Variants in USP34 observed in about 807,000 individuals in gnomAD.
The protein encoded by USP34 is ubiquitin carboxyl-terminal hydrolase 34.
USP34 carries 70 observed loss-of-function variants against 460.3 expected under a neutral mutation model. The ratio of observed to expected loss-of-function variants is 0.15; its 90% CI spans 0.13 to 0.19. The LOEUF (loss-of-function observed/expected upper bound fraction) is 0.19. Among genes scored for constraint, USP34 ranks in the 10% least tolerant of loss-of-function variants. The probability of loss-of-function intolerance (pLI) is 1.00; values close to 1 mark genes in which losing one functional copy is unlikely to be tolerated. For synonymous variants in USP34, 1,647 were observed against 1,405.3 expected (o/e 1.17, Z -3.85); for missense variants, 3,985 against 4,236.2 (o/e 0.94, Z 1.65).
intron 15 of USP34, among the ~76,000 whole-genome samples, chr2:61,346,895 T>C (rs529206230): frequency 3.4e-4 from 51 of 149,626 alleles, no homozygotes; most frequent in Non-Finnish European, 4.1e-4. Flanking sequence ...CCCAGCACTT[T>C]GGGAGGCCGA....
chr2:61,449,711 A>G (rs1695214999), intron 1 of USP34, among the ~76,000 whole-genome samples: 1 of 152,200 alleles, frequency 6.6e-6, no homozygotes, highest in South Asian at 2.1e-4. Context: ...AAGACCATGC[A>G]ACAGAAAGAA....
At chr2:61,325,295 C>T in intron 21 of USP34, 80 bp downstream of exon 21, 1 of 851,396 alleles carries the variant, frequency 1.2e-6, no homozygotes, top group South Asian at 2.2e-5. Flanking sequence ...AAAAAAACTG[C>T]AGAAATCAGA....
In USP34 at chr2:61,428,218, T is replaced by C. The variant is rs1694567200; in HGVS notation, c.44-7385A>G. Among the ~76,000 whole-genome samples the C allele has an allele frequency of 1.3e-5, 2 of 149,106 alleles. 1 individual carries two copies. The highest frequency in any genetic ancestry group is 4.2e-4 in the South Asian group (2 of 4,710). On this transcript the variant is annotated intron_variant, in intron 1 of 79. Transcript: ENST00000398571. ...TAAACAAAGGCAAAAATGTTATTTCTGAGTATGAGTTTCTAATGATTCTCA... is the reference window on the plus strand; with the variant it reads ...TAAACAAAGGCAAAAATGTTATTTCCGAGTATGAGTTTCTAATGATTCTCA...
intron 1 of USP34, among the ~76,000 whole-genome samples, chr2:61,464,507 T>C (rs911572144): frequency 2.0e-5 from 3 of 152,158 alleles, no homozygotes; most frequent in African/African-American, 7.2e-5. Context: ...CTTGCCTATC[T>C]CACATGAATT....
At chr2:61,189,271 T>A in intron 78 of USP34, 1 of 487,466 alleles carries the variant, frequency 2.1e-6, no homozygotes, top group South Asian at 3.5e-5. Flanking sequence ...TTTTTTTTTT[T>A]GTTTTGTTTT....
intron 1 of USP34, among the ~76,000 whole-genome samples, chr2:61,461,790 T>A (rs1230688643): frequency 2.0e-5 from 3 of 152,208 alleles, no homozygotes; most frequent in African/African-American, 4.8e-5. Context: ...ATGTTTATAT[T>A]TTTTGACACA....
At chr2:61,286,869 A>G (rs894491870) in intron 34 of USP34, among the ~76,000 whole-genome samples, 3 of 152,200 alleles carry the variant, frequency 2.0e-5, no homozygotes, top group Non-Finnish European at 2.9e-5. Context: ...ACACTTATGT[A>G]TATTTATATT....
Position 61,470,909 on chromosome 2 carries a change from G to A in USP34, c.-217C>T, listed in dbSNP as rs1174341231. ...GGAGGGGGAGAGGAGGGGAGCGAGG[G>A]GAGGTGCGCAGGCCGGAGGGGCGCC... On this transcript the variant is annotated 5_prime_UTR_variant, in exon 1 of 80. Coordinates refer to ENST00000398571, the MANE Select transcript of USP34 (RefSeq NM_014709.4). 2 of 187,258 alleles carry A rather than the reference G, an allele frequency of 1.1e-5. No individual in the cohort carries two copies. The highest frequency in any genetic ancestry group is 2.2e-5 in the Non-Finnish European group (2 of 91,918). 11.6% of individuals were successfully genotyped at this position (187,258 alleles called of 1,614,324 possible). A position where few individuals can be genotyped will look rare whatever the true frequency, so the allele number is the denominator to read the frequency against.
intron 30 of USP34, among the ~76,000 whole-genome samples, chr2:61,295,664 CA>C (rs1292792821): frequency 3.9e-5 from 6 of 152,088 alleles, no homozygotes; most frequent in Admixed American, 3.9e-4. Context: ...AAAAGTCATA[CA>C]AATATATGAA....
rs1693410901 is a variant in USP34, at chr2:61,393,324, G to A, written c.753+1529C>T. The stretch of plus-strand genomic sequence containing the variant: ...CATACGCCTGTAGTCCCAACTACTC[G>A]GGAGGCTGAGGCAGGAGAATCACTT... On this transcript the variant is annotated intron_variant, in intron 5 of 79. Transcript: ENST00000398571. 2.0e-5 allele frequency among the ~76,000 whole-genome samples: 3 copies of A among 151,430 alleles called. 1 individual carries two copies. The South Asian group carries it at 6.3e-4, about 32-fold the overall frequency.
chr2:61,461,160 G>C (rs1695588299), intron 1 of USP34, among the ~76,000 whole-genome samples: 1 of 151,914 alleles, frequency 6.6e-6, no homozygotes, highest in Non-Finnish European at 1.5e-5. Flanking sequence ...GGAGGCTGAG[G>C]CAGGTGGATG....
chr2:61,400,698 A>G lies in USP34; in HGVS notation c.552+5010T>C, dbSNP rs115143983. 5.9e-5 allele frequency among the ~76,000 whole-genome samples: 9 copies of G among 152,200 alleles called. 1 individual carries two copies. The East Asian group carries it at 9.7e-4, about 16-fold the overall frequency. On this transcript the variant is annotated intron_variant, in intron 3 of 79. Coordinates refer to ENST00000398571, the MANE Select transcript of USP34 (RefSeq NM_014709.4). ...GACCCTGCCTCCTCAAAAAAATTGA[A>G]AAACTAGCTAGGCATGGTGGCATGC... is the stretch of plus-strand genomic sequence containing the variant.
In USP34 at chr2:61,188,407, C is replaced by T. The variant is rs369630143; in HGVS notation, c.10336G>A (p.Asp3446Asn). The T allele has an allele frequency of 1.5e-5, 24 of 1,614,042 alleles. No individual in the cohort carries two copies. The highest frequency in any genetic ancestry group is 3.3e-5 in the Admixed American group (2 of 60,010). The change falls in exon 80 of 80, where the codon GAT becomes AAT. Residue 3446 changes from aspartate (D) to asparagine (N), a missense_variant. Physicochemically the swap from Asp to Asn is conservative, Grantham distance 23. Around this residue, in one of 14 missense-constraint regions of USP34, gnomAD observed 506 missense variants for 439.0 expected, o/e 1.15. Transcript: ENST00000398571. The part of the protein sequence containing the change: ...EEQSNNGRYD[D>N]CKEFKDLHCS... ...TGGAGGTCTTTAAATTCTTTACAAT[C>T]GTCATATCTACCATTGTTGGACTGT... is the stretch of plus-strand genomic sequence containing the variant.
Position 61,355,631 on chromosome 2 carries a change from C to CAACA in USP34, c.1252-4942_1252-4939dup, listed in dbSNP as rs575605924. 1.6e-3 allele frequency among the ~76,000 whole-genome samples: 242 copies of CAACA among 151,412 alleles called. 1 individual carries two copies. The highest frequency in any genetic ancestry group is 5.6e-3 in the African/African-American group (229 of 41,218). On this transcript the variant is annotated intron_variant, in intron 10 of 79. Transcript: ENST00000398571. ...ACAAAAACAACAACAACAACAACAA[C>CAACA]AACAAACAAACACAAACCACCAAAA...
At chr2:61,464,192 G>A (rs144655299) in intron 1 of USP34, among the ~76,000 whole-genome samples, 54 of 152,248 alleles carry the variant, frequency 3.5e-4, no homozygotes, top group African/African-American at 1.2e-3. Flanking sequence ...GGTGGCAGGC[G>A]CCTCTAATTC....
At chr2:61,443,708 T>C (rs567176200) in intron 1 of USP34, among the ~76,000 whole-genome samples, 5 of 152,202 alleles carry the variant, frequency 3.3e-5, no homozygotes, top group Non-Finnish European at 7.3e-5. Flanking sequence ...CACAGGATTT[T>C]AGGGTAGTGA....
chr2:61,419,416 G>C (rs1444645234), intron 2 of USP34, among the ~76,000 whole-genome samples: 1 of 151,914 alleles, frequency 6.6e-6, no homozygotes, highest in African/African-American at 2.4e-5. Flanking sequence ...TGAGACCTAA[G>C]AATTACTGCC....
chr2:61,292,120 A>G (rs1015324114), intron 33 of USP34, among the ~76,000 whole-genome samples: 2 of 152,174 alleles, frequency 1.3e-5, no homozygotes, highest in Non-Finnish European at 2.9e-5. Context: ...GATGCTGGTC[A>G]TAGTCCCACA....
intron 61 of USP34, among the ~76,000 whole-genome samples, chr2:61,227,820 T>C (rs771363733): frequency 1.4e-4 from 21 of 152,184 alleles, no homozygotes; most frequent in Non-Finnish European, 2.1e-4. Flanking sequence ...AGCAAGCTCA[T>C]TGGAAGACAA....
Sources: gnomAD v4.1 joint callset for allele counts (sites outside exome capture counted in the v4.1 genomes callset) on GRCh38, gnomAD v4.1.1 for gene constraint, gnomAD v4.1.1 regional missense constraint, MANE v1.5 for transcripts, NCBI Gene and HGNC (gene_info 2026-07-23, HGNC 2026-07-21) for gene names.